The following TRHDE variants were observed in gnomAD, a reference collection of about 807,000 sequenced individuals.
The protein encoded by TRHDE is thyrotropin-releasing hormone-degrading ectoenzyme.
In TRHDE, 72 loss-of-function variants were observed where a neutral mutation model predicts 125.7. The ratio of observed to expected loss-of-function variants is 0.57; its 90% CI spans 0.47 to 0.70. The LOEUF (loss-of-function observed/expected upper bound fraction) is 0.70, where lower values mean the gene tolerates loss of function less well. Among genes scored for constraint, TRHDE ranks in the 30% least tolerant of loss-of-function variants. The pLI, the probability that TRHDE is intolerant of heterozygous loss-of-function variation, is 0.00. For missense variants in TRHDE, 1,110 were observed against 1,327.1 expected (o/e 0.84, Z 2.54); for synonymous variants, 509 against 509.1 (o/e 1.00, Z 0.00).
chr12:72,526,801 T>C (rs976051087), intron 6 of TRHDE, among the ~76,000 whole-genome samples: 1 of 152,170 alleles, frequency 6.6e-6, no homozygotes, highest in East Asian at 1.9e-4. Context: ...AATGAACTTT[T>C]ATGATTCTGA....
intron 2 of TRHDE, among the ~76,000 whole-genome samples, chr12:72,317,805 G>A (rs552967202): frequency 8.5e-5 from 13 of 152,174 alleles, no homozygotes; most frequent in African/African-American, 3.1e-4. Context: ...AACATTCAAC[G>A]GATAACAATG....
intron 6 of TRHDE, among the ~76,000 whole-genome samples, chr12:72,529,679 A>G (rs1160283912): frequency 6.6e-6 from 1 of 152,170 alleles, no homozygotes; most frequent in Admixed American, 6.6e-5. Context: ...TTGTGTTCAT[A>G]TGTGAGTGTT....
chr12:72,467,120 A>G (rs1278075609), intron 3 of TRHDE, among the ~76,000 whole-genome samples: 2 of 152,220 alleles, frequency 1.3e-5, no homozygotes, highest in Admixed American at 6.5e-5. Context: ...TTTAGGGTAC[A>G]TGTGCACAAC....
chr12:72,096,612 G>T (rs945250985), intron 1 of TRHDE, among the ~76,000 whole-genome samples: 1 of 152,156 alleles, frequency 6.6e-6, no homozygotes, highest in African/African-American at 2.4e-5. Context: ...GTTCTGTCCA[G>T]TCCTCCATCT....
At chr12:72,425,906 A>G (rs1252635813) in intron 3 of TRHDE, among the ~76,000 whole-genome samples, 1 of 151,752 alleles carries the variant, frequency 6.6e-6, no homozygotes, top group East Asian at 2.0e-4. Flanking sequence ...AAGCTCTAGA[A>G]CTATTGGAGT....
chr12:72,141,709 T>C (rs1171272369), intron 2 of TRHDE, among the ~76,000 whole-genome samples: 1 of 152,208 alleles, frequency 6.6e-6, no homozygotes, highest in Non-Finnish European at 1.5e-5. Context: ...TAAATATCAA[T>C]ACAACATGAC....
intron 2 of TRHDE, among the ~76,000 whole-genome samples, chr12:72,168,496 G>A (rs1419765027): frequency 1.6e-4 from 25 of 152,154 alleles, no homozygotes; most frequent in Non-Finnish European, 1.3e-4. Context: ...GATTCAGTAG[G>A]TTCTTGCAGA....
At chr12:72,226,616 T>C (rs1878133307) in intron 2 of TRHDE, among the ~76,000 whole-genome samples, 1 of 152,198 alleles carries the variant, frequency 6.6e-6, no homozygotes, top group Non-Finnish European at 1.5e-5. Context: ...TGCTGATTTG[T>C]GAATTCCAGA....
At chr12:72,264,521 T>C (rs911557879) in intron 2 of TRHDE, 4 of 152,022 alleles carry the variant, frequency 2.6e-5, no homozygotes, top group African/African-American at 9.7e-5. Context: ...TGTAAATGAA[T>C]ATCGATTTTT....
chr12:72,537,652 G>A lies in TRHDE; in HGVS notation c.1723-4639G>A, dbSNP rs577018864. Among the ~76,000 whole-genome samples the A allele has an allele frequency of 8.5e-4, 129 of 152,048 alleles. 1 individual carries two copies. The highest frequency in any genetic ancestry group is 7.9e-3 in the South Asian group (38 of 4,820). On this transcript the variant is annotated intron_variant, in intron 6 of 18. Coordinates refer to ENST00000261180, the MANE Select transcript of TRHDE (RefSeq NM_013381.3). ...TTACAACTTTTCTACACCTTTCCAC[G>A]TCTTAAACTCCTAATTACGTTTTCA...
chr12:72,369,993 G>C (rs1379411385), intron 2 of TRHDE, among the ~76,000 whole-genome samples: 1 of 152,118 alleles, frequency 6.6e-6, no homozygotes, highest in African/African-American at 2.4e-5. Flanking sequence ...GAAAACAACT[G>C]TGATTTCTTT....
chr12:72,316,466 C>A (rs1441005368), intron 2 of TRHDE, among the ~76,000 whole-genome samples: 2 of 152,052 alleles, frequency 1.3e-5, no homozygotes, highest in African/African-American at 4.8e-5. Context: ...ACGAAAACAC[C>A]CGGATAACCA....
intron 3 of TRHDE, among the ~76,000 whole-genome samples, chr12:72,440,802 G>T (rs1874973817): frequency 6.6e-6 from 1 of 151,856 alleles, no homozygotes; most frequent in South Asian, 2.1e-4. Context: ...CCAACACAGG[G>T]TCTGTCACAG....
rs1298828186 is a variant in TRHDE at position 72,597,709 on chromosome 12, GTATGTATATATATATATATA to G, written c.2322-21178_2322-21159del. Among the ~76,000 whole-genome samples, 202 of 56,950 alleles carry G rather than the reference GTATGTATATATATATATATA, an allele frequency of 3.5e-3. 6 individuals carry two copies. The highest frequency in any genetic ancestry group is 0.011 in the East Asian group (30 of 2,670). 37.4% of individuals were successfully genotyped at this position (56,950 alleles called of 152,430 possible). A position where few individuals can be genotyped will look rare whatever the true frequency, so the allele number is the denominator to read the frequency against. On this transcript the variant is annotated intron_variant, in intron 12 of 18. Coordinates refer to ENST00000261180, the MANE Select transcript of TRHDE (RefSeq NM_013381.3). ...AAGAGAGGTATATATATGTGTGTGT[GTATGTATATATATATATATA>G]TATATATATATATATATATATATAT...
intron 3 of TRHDE, among the ~76,000 whole-genome samples, chr12:72,456,168 CACACACACAG>C (rs1358681610): frequency 9.9e-5 from 13 of 131,606 alleles, no homozygotes; most frequent in Non-Finnish European, 2.1e-4. Flanking sequence ...CACACACACA[CACACACACAG>C]AGACTCAGAG....
chr12:72,582,101 C>CAAAAAAAAAAAAAAAAAAAA, intron 12 of TRHDE: 1 of 58,618 alleles, frequency 1.7e-5, no homozygotes, highest in Non-Finnish European at 2.6e-5. Flanking sequence ...GACTCCGTCT[C>CAAAAAAAAAAAAAAAAAAAA]AAAAAAAAAA....
chr12:72,430,704 A>G (rs963211891), intron 3 of TRHDE, among the ~76,000 whole-genome samples: 49 of 152,036 alleles, frequency 3.2e-4, no homozygotes, highest in Admixed American at 1.3e-3. Context: ...CAACTTTATT[A>G]GTCTTTTTCA....
intron 2 of TRHDE, among the ~76,000 whole-genome samples, chr12:72,360,934 G>C (rs1056558320): frequency 1.3e-5 from 2 of 151,564 alleles, no homozygotes; most frequent in Non-Finnish European, 3.0e-5. Context: ...CCATCACCTA[G>C]GTATTAAAAC....
intron 12 of TRHDE, among the ~76,000 whole-genome samples, chr12:72,612,618 T>C (rs1379271724): frequency 1.3e-5 from 2 of 152,186 alleles, no homozygotes; most frequent in East Asian, 1.9e-4. Flanking sequence ...ATAGTACTGA[T>C]ATTGATGCTT....
Sources: gnomAD v4.1 joint callset for allele counts (sites outside exome capture counted in the v4.1 genomes callset) on GRCh38, gnomAD v4.1.1 for gene constraint, MANE v1.5 for transcripts, NCBI Gene and HGNC (gene_info 2026-07-23, HGNC 2026-07-21) for gene names.